The following STK38 variants were observed in gnomAD, a reference collection of about 807,000 sequenced individuals.
STK38 encodes the protein serine/threonine kinase 38, also known as serine/threonine-protein kinase 38.
A neutral mutation model predicts 59.0 loss-of-function variants in STK38; 26 were observed. The ratio of observed to expected loss-of-function variants is 0.44; its 90% confidence interval spans 0.32 to 0.61. STK38 has a LOEUF of 0.61. STK38 is among the 20% of genes least tolerant of loss of function. STK38 has a pLI of 0.04. For synonymous variants in STK38, 175 were observed against 176.6 expected, an observed-to-expected ratio of 0.99 and a Z score of 0.07; for missense variants, 433 against 566.0, an observed-to-expected ratio of 0.76 and a Z score of 2.38.
intron 2 of STK38, among the ~76,000 whole-genome samples, chr6:36,536,190 G>A (rs1213429359): frequency 2.0e-5 from 3 of 152,146 alleles, no homozygotes; most frequent in Non-Finnish European, 4.4e-5. Flanking sequence ...TCTCATGGGG[G>A]AAGATCTTTT....
At chr6:36,516,716 G>A (rs946922307) in intron 6 of STK38, among the ~76,000 whole-genome samples, 2 of 152,204 alleles carry the variant, frequency 1.3e-5, no homozygotes, top group East Asian at 3.8e-4. Context: ...TGGCTCAGGA[G>A]AGCAGTCAAT....
chr6:36,538,802 G>C (rs1777858802), intron 2 of STK38, among the ~76,000 whole-genome samples: 1 of 140,446 alleles, frequency 7.1e-6, no homozygotes, highest in African/African-American at 2.7e-5. Flanking sequence ...TGAGGCAGGA[G>C]AATCACTTGA....
chr6:36,535,373 T>C (rs1582459746), intron 2 of STK38, among the ~76,000 whole-genome samples: 1 of 151,390 alleles, frequency 6.6e-6, no homozygotes, highest in East Asian at 2.0e-4. Context: ...TGCTTGAACA[T>C]GGGAGGCGGA....
At chr6:36,497,729 G>A (rs1484808647) in intron 12 of STK38, 51 bp downstream of exon 12, 3 of 1,451,706 alleles carry the variant, frequency 2.1e-6, no homozygotes, top group African/African-American at 2.8e-5. Context: ...TTATTATTAA[G>A]TAAACTAGAG....
chr6:36,501,676 C>T (rs1561972939), intron 9 of STK38, among the ~76,000 whole-genome samples: 2 of 151,950 alleles, frequency 1.3e-5, no homozygotes. Context: ...CCACCCACCT[C>T]AGCCTCCCAA....
intron 1 of STK38, among the ~76,000 whole-genome samples, chr6:36,545,747 G>A (rs141313406): frequency 1.3e-5 from 2 of 152,252 alleles, no homozygotes; most frequent in Non-Finnish European, 2.9e-5. Context: ...GGAGGCCTTT[G>A]CCCCATTTGT....
intron 9 of STK38, among the ~76,000 whole-genome samples, chr6:36,500,516 C>CT (rs1227097109): frequency 6.6e-6 from 1 of 151,964 alleles, no homozygotes; most frequent in East Asian, 1.9e-4. Flanking sequence ...AATCCCAGCA[C>CT]TTTGAGAGGC....
At chr6:36,535,413 C>CA (rs34064005) in intron 2 of STK38, among the ~76,000 whole-genome samples, 31,678 of 151,970 alleles carry the variant, frequency 0.21, 3,439 homozygotes, top group East Asian at 0.39. Flanking sequence ...CACACCGTTG[C>CA]ACTCCAGCCT....
intron 2 of STK38, among the ~76,000 whole-genome samples, chr6:36,527,390 T>A (rs1217261175): frequency 1.3e-5 from 2 of 149,950 alleles, no homozygotes; most frequent in Non-Finnish European, 3.0e-5. Flanking sequence ...CACACATATA[T>A]GTATATAAAA....
chr6:36,524,827 T>A (rs539693647), intron 3 of STK38, among the ~76,000 whole-genome samples: 1 of 152,262 alleles, frequency 6.6e-6, no homozygotes, highest in African/African-American at 2.4e-5. Flanking sequence ...CCCTCTGGCT[T>A]AAACACTGTA....
At chr6:36,518,723 C>G (rs762941159) in intron 5 of STK38, among the ~76,000 whole-genome samples, 7 of 152,026 alleles carry the variant, frequency 4.6e-5, no homozygotes, top group Non-Finnish European at 7.4e-5. Flanking sequence ...ATGCCTGGCC[C>G]CTCCCCTCTT....
chr6:36,540,737 C>T (rs193172598), intron 1 of STK38, among the ~76,000 whole-genome samples: 168 of 152,140 alleles, frequency 1.1e-3, no homozygotes, highest in Middle Eastern at 6.8e-3. Flanking sequence ...ATCGATTCTC[C>T]CACCTCAGTT....
intron 6 of STK38, among the ~76,000 whole-genome samples, chr6:36,517,129 G>C (rs1422234390): frequency 6.6e-6 from 1 of 151,360 alleles, no homozygotes; most frequent in African/African-American, 2.4e-5. Flanking sequence ...TTTCCCACCA[G>C]AGTTTGCTCA....
intron 2 of STK38, among the ~76,000 whole-genome samples, chr6:36,538,374 G>C (rs1206753730): frequency 3.9e-5 from 6 of 152,124 alleles, no homozygotes. Context: ...AGAACCAAGA[G>C]GCATGAAAAC....
Position 36,547,463 on chromosome 6 carries a change from G to C in STK38, c.-279C>G, listed in dbSNP as rs1778080325. 2 of 152,200 alleles carry C rather than the reference G, an allele frequency of 1.3e-5. No homozygotes were observed. The highest frequency in any genetic ancestry group is 1.3e-4 in the Admixed American group (2 of 15,238). The allele number at this position is 152,200 out of a possible 1,614,324, so 9.4% of individuals were successfully genotyped here. ...GGAGACGGGCTGGCGCGGCAGCCCG[G>C]GGCCGAGACTACGCATGCGCGACTT... is the stretch of plus-strand genomic sequence containing the variant. On this transcript the variant is annotated 5_prime_UTR_variant, in exon 1 of 14. Transcript: ENST00000229812.
At chr6:36,498,587 T>TTA in intron 10 of STK38, 101 bp from the exon 11 acceptor site, 3 of 1,326,342 alleles carry the variant, frequency 2.3e-6, no homozygotes, top group Non-Finnish European at 3.1e-6. Flanking sequence ...TTTTTCTTTT[T>TTA]TCTTTTTTTT....
intron 9 of STK38, 119 bp from the exon 10 acceptor site, chr6:36,500,109 A>ATGCTCAAAATGG: frequency 1.3e-6 from 1 of 743,708 alleles, no homozygotes; most frequent in Admixed American, 2.0e-5. Context: ...AATAAGCAGG[A>ATGCTCAAAATGG]CTGCCCAGTA....
At chr6:36,517,992 A>G in intron 5 of STK38, 152 bp from the exon 6 acceptor site, 1 of 1,061,616 alleles carries the variant, frequency 9.4e-7, no homozygotes, top group South Asian at 2.3e-5. Context: ...AGGCAAACCT[A>G]CTAACTCAAA....
intron 1 of STK38, among the ~76,000 whole-genome samples, chr6:36,543,892 C>T (rs772779054): frequency 6.6e-6 from 1 of 152,238 alleles, no homozygotes; most frequent in South Asian, 2.1e-4. Flanking sequence ...CCTGGGCCTC[C>T]CAAAGTGCTG....
Sources: gnomAD v4.1 joint callset for allele counts (sites outside exome capture counted in the v4.1 genomes callset) on GRCh38, gnomAD v4.1.1 for gene constraint, MANE v1.5 for transcripts, NCBI Gene and HGNC (gene_info 2026-07-23, HGNC 2026-07-21) for gene names.